Variants in MDGA2 observed in about 807,000 individuals in gnomAD.
MDGA2 encodes MAM domain-containing glycosylphosphatidylinositol anchor protein 2.
In MDGA2, 40 loss-of-function variants were observed where a neutral mutation model predicts 117.8. The ratio of observed to expected loss-of-function variants is 0.34; its 90% CI spans 0.26 to 0.44. The LOEUF is 0.44. MDGA2 is among the 20% of genes least tolerant of loss of function. The pLI is 1.00. For synonymous variants in MDGA2, 452 were observed against 439.0 expected (o/e 1.03, Z -0.37); for missense variants, 1,123 against 1,250.6 (o/e 0.90, Z 1.54).
chr14:47,171,791 G>C (rs888647826), intron 3 of MDGA2, among the ~76,000 whole-genome samples: 6 of 152,272 alleles, frequency 3.9e-5, no homozygotes, highest in East Asian at 3.9e-4. Flanking sequence ...CCAGACAGTG[G>C]GCTCAGGACA....
Position 47,201,855 on chromosome 14 carries a change from C to T in MDGA2, c.595+16166G>A, listed in dbSNP as rs113951064. 2.0e-5 allele frequency among the ~76,000 whole-genome samples: 3 copies of T among 152,218 alleles called. 1 individual carries two copies. Among genetic ancestry groups the T allele is most frequent in the African/African-American group, 7.2e-5 (3 of 41,544 alleles). ...ATCATTTATCTTTCTTCCCACTCAT[C>T]ATCTGTAAAATGGGACTTGTACCTA... On this transcript the variant is annotated intron_variant, in intron 3 of 16. Coordinates refer to ENST00000399232, the MANE Select transcript of MDGA2 (RefSeq NM_001113498.3).
At chr14:46,922,481 T>G (rs1884170848) in intron 9 of MDGA2, among the ~76,000 whole-genome samples, 1 of 152,180 alleles carries the variant, frequency 6.6e-6, no homozygotes, top group Admixed American at 6.5e-5. Context: ...ATGGTTTAAA[T>G]ACGGAGGAAC....
At chr14:46,997,890 A>G (rs1383802957) in intron 8 of MDGA2, among the ~76,000 whole-genome samples, 1 of 152,214 alleles carries the variant, frequency 6.6e-6, no homozygotes, top group Non-Finnish European at 1.5e-5. Context: ...AAGTAGAGTG[A>G]ACAAGTTTTG....
At chr14:47,097,977 T>C (rs570026726) in intron 5 of MDGA2, among the ~76,000 whole-genome samples, 5 of 152,068 alleles carry the variant, frequency 3.3e-5, no homozygotes, top group Admixed American at 2.6e-4. Flanking sequence ...TCTTCACATA[T>C]AGCACATTTT....
intron 1 of MDGA2, among the ~76,000 whole-genome samples, chr14:47,640,999 C>A (rs1326660366): frequency 1.3e-5 from 2 of 151,874 alleles, no homozygotes; most frequent in African/African-American, 2.4e-5. Context: ...GATTTCTTTA[C>A]CTTTTTTTTT....
rs557366983 is a variant in MDGA2 at position 47,089,089 on chromosome 14, A to AT, written c.1195+7764dup. Among the ~76,000 whole-genome samples the AT allele has an allele frequency of 6.7e-4, 101 of 151,852 alleles. 1 individual carries two copies. Among genetic ancestry groups the AT allele is most frequent in the Middle Eastern group, 3.4e-3 (1 of 292 alleles). On this transcript the variant is annotated intron_variant, in intron 6 of 16. Coordinates refer to ENST00000399232, the MANE Select transcript of MDGA2 (RefSeq NM_001113498.3). Reference sequence around the variant, plus strand: ...TGTCTGAAGACTGAGTATTGTTGAGATTTTTTTTTCCTGAGTATAAAAAGA... The same window carrying AT: ...TGTCTGAAGACTGAGTATTGTTGAGATTTTTTTTTTCCTGAGTATAAAAAGA...
chr14:47,338,238 G>A (rs895565352), intron 1 of MDGA2, among the ~76,000 whole-genome samples: 4 of 151,568 alleles, frequency 2.6e-5, no homozygotes, highest in Non-Finnish European at 5.9e-5. Flanking sequence ...TATTTGATAT[G>A]GTCTGCTTTA....
chr14:46,859,326 T>C (rs1418082230), intron 14 of MDGA2, among the ~76,000 whole-genome samples: 2 of 152,216 alleles, frequency 1.3e-5, no homozygotes, highest in Non-Finnish European at 2.9e-5. Context: ...AAGGTTGCTG[T>C]ATTATAAGTC....
chr14:47,479,445 G>C (rs528084818), intron 1 of MDGA2, among the ~76,000 whole-genome samples: 1 of 151,978 alleles, frequency 6.6e-6, no homozygotes, highest in South Asian at 2.1e-4. Flanking sequence ...GTGAAATGAT[G>C]ATGATTTAAA....
At position 47,637,133 on chromosome 14, in the gene MDGA2, G is replaced by C. The variant is rs1220582553; in HGVS notation, c.280+37384C>G. Among the ~76,000 whole-genome samples the C allele has an allele frequency of 2.0e-5, 3 of 152,050 alleles. No homozygotes were observed. The East Asian group carries it at 5.8e-4, about 29-fold the overall frequency. ...CTTTATGAGACCCGCTATTTTATCT[G>C]CATTTTATAAATAAGGACACAAGTC... On this transcript the variant is annotated intron_variant, in intron 1 of 16. Coordinates refer to ENST00000399232, the MANE Select transcript of MDGA2 (RefSeq NM_001113498.3).
chr14:47,608,715 G>A (rs1896785649), intron 1 of MDGA2, among the ~76,000 whole-genome samples: 1 of 152,124 alleles, frequency 6.6e-6, no homozygotes, highest in Non-Finnish European at 1.5e-5. Flanking sequence ...AGATGTAAAA[G>A]TAAGTTTTAA....
In MDGA2 at chr14:47,092,853, G is replaced by T. The variant is rs528909359; in HGVS notation, c.1195+4001C>A. ...AAGCCGTCAGCAGAAAAGGGGTAGG[G>T]GTATAGCACAAGATGTTCAGGAAAT... On this transcript the variant is annotated intron_variant, in intron 6 of 16. Coordinates refer to ENST00000399232, the MANE Select transcript of MDGA2 (RefSeq NM_001113498.3). 6.6e-5 allele frequency among the ~76,000 whole-genome samples: 10 copies of T among 152,098 alleles called. No homozygotes were observed. The South Asian group carries it at 2.1e-3, about 32-fold the overall frequency.
At chr14:47,032,200 A>G (rs1377441519) in intron 8 of MDGA2, among the ~76,000 whole-genome samples, 1 of 152,218 alleles carries the variant, frequency 6.6e-6, no homozygotes, top group Non-Finnish European at 1.5e-5. Context: ...CCACATATGA[A>G]TGATATAACT....
chr14:47,622,816 T>C (rs1288369406), intron 1 of MDGA2, among the ~76,000 whole-genome samples: 2 of 152,116 alleles, frequency 1.3e-5, no homozygotes, highest in East Asian at 1.9e-4. Flanking sequence ...CATGGGGAAG[T>C]AGATAGGTGG....
At chr14:47,617,294 C>G (rs1189191896) in intron 1 of MDGA2, among the ~76,000 whole-genome samples, 1 of 151,976 alleles carries the variant, frequency 6.6e-6, no homozygotes, top group Non-Finnish European at 1.5e-5. Flanking sequence ...CAACCTCTGC[C>G]TCCCAGGTTC....
chr14:47,218,593 G>A (rs150204175), intron 2 of MDGA2, among the ~76,000 whole-genome samples: 3 of 151,870 alleles, frequency 2.0e-5, no homozygotes, highest in Non-Finnish European at 4.4e-5. Flanking sequence ...GTCCAAGTAG[G>A]TTCTCATTTT....
chr14:47,328,596 C>T (rs904992096), intron 1 of MDGA2, among the ~76,000 whole-genome samples: 47 of 152,128 alleles, frequency 3.1e-4, no homozygotes, highest in African/African-American at 9.7e-4. Context: ...AGTGTGAATT[C>T]GTAAGTCTGT....
At chr14:47,523,737 G>A (rs983359782) in intron 1 of MDGA2, among the ~76,000 whole-genome samples, 5 of 152,112 alleles carry the variant, frequency 3.3e-5, no homozygotes, top group Admixed American at 1.3e-4. Context: ...GACTAGGGGT[G>A]AGTTCATTAA....
intron 1 of MDGA2, among the ~76,000 whole-genome samples, chr14:47,559,969 C>T (rs1895764452): frequency 6.6e-6 from 1 of 152,134 alleles, no homozygotes; most frequent in African/African-American, 2.4e-5. Flanking sequence ...TTTGAAAAAT[C>T]GCAACATTGT....
Sources: allele counts gnomAD v4.1 joint callset (sites outside exome capture counted in the v4.1 genomes callset), GRCh38; gene constraint gnomAD v4.1.1; transcripts MANE v1.5; gene names NCBI Gene and HGNC (gene_info 2026-07-23, HGNC 2026-07-21).